Variants in CACHD1 observed in about 807,000 individuals in gnomAD.
CACHD1 encodes VWFA and cache domain-containing protein 1.
In CACHD1, 71 loss-of-function variants were observed where a neutral mutation model predicts 138.7. The observed-to-expected ratio is 0.51, with a 90% CI of 0.42 to 0.62. CACHD1 has a LOEUF of 0.62. Among genes scored for constraint, CACHD1 ranks in the 20% least tolerant of loss-of-function variants. CACHD1 has a pLI of 0.00. For synonymous variants in CACHD1, 578 were observed against 591.5 expected, an observed-to-expected ratio of 0.98 and a Z score of 0.33; for missense variants, 1,389 against 1,625.3, an observed-to-expected ratio of 0.85 and a Z score of 2.50.
chr1:64,514,329 A>G (rs1160899424), intron 1 of CACHD1, among the ~76,000 whole-genome samples: 2 of 152,174 alleles, frequency 1.3e-5, no homozygotes, highest in Non-Finnish European at 2.9e-5. Context: ...CTCTATATAC[A>G]AGAAGGGAGT....
chr1:64,552,401 C>A (rs1646765629), intron 2 of CACHD1, among the ~76,000 whole-genome samples: 1 of 151,634 alleles, frequency 6.6e-6, no homozygotes, highest in Admixed American at 6.6e-5. Flanking sequence ...TGATGGATAT[C>A]AAGCAGGACA....
At chr1:64,602,641 C>T (rs1276050436) in intron 3 of CACHD1, among the ~76,000 whole-genome samples, 165 bp from the exon 4 acceptor site, 1 of 152,096 alleles carries the variant, frequency 6.6e-6, no homozygotes, top group African/African-American at 2.4e-5. Flanking sequence ...GGTGTTCCCC[C>T]CACCACACAC....
intron 1 of CACHD1, among the ~76,000 whole-genome samples, chr1:64,472,105 C>T (rs1489580333): frequency 6.6e-6 from 1 of 152,174 alleles, no homozygotes; most frequent in Non-Finnish European, 1.5e-5. Flanking sequence ...TGATTTCCAT[C>T]CTACTGTGAC....
At chr1:64,668,342 GAA>G (rs1478790124) in intron 16 of CACHD1, among the ~76,000 whole-genome samples, 1 of 131,088 alleles carries the variant, frequency 7.6e-6, no homozygotes, top group East Asian at 2.2e-4. Context: ...AAAAAAAAAA[GAA>G]AAAGAAAAAA....
chr1:64,616,750 G>A (rs948811378), intron 4 of CACHD1, among the ~76,000 whole-genome samples: 1 of 152,220 alleles, frequency 6.6e-6, no homozygotes, highest in African/African-American at 2.4e-5. Context: ...AAAATGGAAG[G>A]AAGTGTAGTT....
rs896562502 is a variant in CACHD1 at position 64,470,299 on chromosome 1, G to C, written c.-446G>C. 5.9e-5 allele frequency among the ~76,000 whole-genome samples: 9 copies of C among 151,890 alleles called. No individual in the cohort carries two copies. The highest frequency in any genetic ancestry group is 1.3e-4 in the Admixed American group (2 of 15,248). ...GCCCGGCCGCCGCTCCTCTTCCCCG[G>C]GGGCCGCCGTCAGTCCTCGCCGCCG... is the stretch of plus-strand genomic sequence containing the variant. On this transcript the variant is annotated 5_prime_UTR_variant, in exon 1 of 27. Coordinates refer to ENST00000651257, the MANE Select transcript of CACHD1 (RefSeq NM_020925.4). This position sits in a 1 kb window ranked among gnomAD's most constrained non-coding sequence, Gnocchi z 5.2.
At chr1:64,598,928 TTATATATTAATATTAA>T (rs1014977909) in intron 3 of CACHD1, among the ~76,000 whole-genome samples, 8 of 139,432 alleles carry the variant, frequency 5.7e-5, no homozygotes, top group African/African-American at 1.7e-4. Context: ...ATTAATATTA[TTATATATTAATATTAA>T]TATATATTAA....
intron 1 of CACHD1, among the ~76,000 whole-genome samples, chr1:64,545,508 G>T (rs1646711545): frequency 6.6e-6 from 1 of 152,178 alleles, no homozygotes; most frequent in Non-Finnish European, 1.5e-5. Context: ...TATCATGTTT[G>T]TGAGATTCAT....
intron 2 of CACHD1, among the ~76,000 whole-genome samples, chr1:64,569,112 G>A (rs897660548): frequency 6.6e-6 from 1 of 151,580 alleles, no homozygotes; most frequent in East Asian, 1.9e-4. Flanking sequence ...GTAGAGATGG[G>A]GTCTCTCCAT....
intron 2 of CACHD1, among the ~76,000 whole-genome samples, chr1:64,552,466 G>GT (rs1372067294): frequency 2.7e-5 from 3 of 112,382 alleles, no homozygotes; most frequent in African/African-American, 9.7e-5. Context: ...CTTTTATTTT[G>GT]TTTTGTTTTT....
At chr1:64,476,001 A>G (rs1646173055) in intron 1 of CACHD1, among the ~76,000 whole-genome samples, 1 of 152,218 alleles carries the variant, frequency 6.6e-6, no homozygotes, top group Non-Finnish European at 1.5e-5. Context: ...ATGGGAGCAT[A>G]GAGGAGCCTT....
chr1:64,478,869 G>A lies in CACHD1; in HGVS notation c.198+7927G>A, dbSNP rs72673305. ...GACCACTCAGTTACTCTGTTGCCCA[G>A]TAGCCATGTGGGTCCAATGTTGTCA... On this transcript the variant is annotated intron_variant, in intron 1 of 26. Transcript: ENST00000651257. Among the ~76,000 whole-genome samples, 1,425 of 152,130 alleles carry A rather than the reference G, an allele frequency of 9.4e-3. 15 individuals are homozygous for A. The highest frequency in any genetic ancestry group is 0.016 in the Non-Finnish European group (1,085 of 68,016).
rs1646174371 is a variant in CACHD1, at chr1:64,476,285, G to C, written c.198+5343G>C. Among the ~76,000 whole-genome samples the C allele has an allele frequency of 2.0e-5, 3 of 152,176 alleles. No individual in the cohort carries two copies. In the South Asian group the frequency reaches 6.2e-4, roughly 32 times the overall value. ...TATGGCTCCCATGTCTCATTTCTTTGGCCATTATCCTAGAGCTTCTGTGGT... is the reference window on the plus strand; with the variant it reads ...TATGGCTCCCATGTCTCATTTCTTTCGCCATTATCCTAGAGCTTCTGTGGT... On this transcript the variant is annotated intron_variant, in intron 1 of 26. Transcript: ENST00000651257.
chr1:64,628,158 T>C (rs373258872), intron 4 of CACHD1, among the ~76,000 whole-genome samples: 18 of 152,338 alleles, frequency 1.2e-4, no homozygotes, highest in African/African-American at 4.3e-4. Flanking sequence ...TAGAGTCATA[T>C]CTCAGCCCTT....
chr1:64,482,708 A>T (rs1191261721), intron 1 of CACHD1, among the ~76,000 whole-genome samples: 6 of 152,248 alleles, frequency 3.9e-5, no homozygotes, highest in African/African-American at 1.4e-4. Context: ...TGTGCTAATT[A>T]TGAACCAAAC....
intron 2 of CACHD1, among the ~76,000 whole-genome samples, chr1:64,557,350 T>C (rs990281771): frequency 6.6e-6 from 1 of 152,152 alleles, no homozygotes; most frequent in African/African-American, 2.4e-5. Flanking sequence ...TCTTAACTTT[T>C]TCTCAAATGC....
At chr1:64,478,993 A>G (rs1646193660) in intron 1 of CACHD1, among the ~76,000 whole-genome samples, 1 of 152,196 alleles carries the variant, frequency 6.6e-6, no homozygotes. Flanking sequence ...AAAAAAAAGA[A>G]AAACACACTA....
intron 1 of CACHD1, among the ~76,000 whole-genome samples, chr1:64,473,143 G>A (rs1405387646): frequency 3.3e-5 from 5 of 152,086 alleles, no homozygotes; most frequent in Non-Finnish European, 5.9e-5. Context: ...TTGTGGAAAC[G>A]GACCTCCTGT....
At chr1:64,495,655 C>T (rs1352179994) in intron 1 of CACHD1, among the ~76,000 whole-genome samples, 4 of 151,350 alleles carry the variant, frequency 2.6e-5, no homozygotes, top group South Asian at 2.1e-4. Flanking sequence ...GAGAGCAATA[C>T]AGTGCTTTTT....
Sources: allele counts gnomAD v4.1 joint callset (sites outside exome capture counted in the v4.1 genomes callset), GRCh38; gene constraint gnomAD v4.1.1; non-coding constraint Gnocchi (gnomAD v3.1); transcripts MANE v1.5; gene names NCBI Gene and HGNC (gene_info 2026-07-23, HGNC 2026-07-21).